Variants in NXPE2 observed in about 807,000 individuals in gnomAD.
NXPE2 encodes neurexophilin and PC-esterase domain family member 2, also known as NXPE family member 2.
Under a neutral mutation model 34.4 loss-of-function variants are expected in NXPE2, and 34 were observed. The ratio of observed to expected loss-of-function variants is 0.99; its 90% CI spans 0.75 to 1.31. NXPE2 has a LOEUF of 1.31. Ranked by LOEUF, NXPE2 falls within the 40% of genes most tolerant of loss-of-function variation. The probability of loss-of-function intolerance (pLI) is 0.00; values close to 1 mark genes in which losing one functional copy is unlikely to be tolerated. For synonymous variants in NXPE2, 235 were observed against 231.3 expected, an observed-to-expected ratio of 1.02 and a Z score of -0.15; for missense variants, 649 against 672.5, an observed-to-expected ratio of 0.97 and a Z score of 0.39.
the NXPE2 span, among the ~76,000 whole-genome samples, chr11:114,773,620 G>C: frequency 3.3e-5 from 5 of 152,200 alleles, no homozygotes; most frequent in African/African-American, 1.2e-4. Context: ...AGGACACAGG[G>C]TACCCAGACA....
At chr11:114,664,960 G>A in the NXPE2 span, among the ~76,000 whole-genome samples, 4 of 152,168 alleles carry the variant, frequency 2.6e-5, no homozygotes, top group Admixed American at 1.3e-4. Context: ...ATGATGTTTG[G>A]TAGGTTAGAT....
intron 1 of NXPE2, among the ~76,000 whole-genome samples, 157 bp from the exon 2 acceptor site, chr11:114,679,498 CTT>C (rs1555075841): frequency 6.6e-6 from 1 of 151,942 alleles, no homozygotes; most frequent in African/African-American, 2.4e-5. Context: ...CAGGGAAACA[CTT>C]TGTTTCTGAT....
chr11:114,813,545 A>C, the NXPE2 span, among the ~76,000 whole-genome samples: 5 of 152,208 alleles, frequency 3.3e-5, no homozygotes, highest in East Asian at 7.7e-4. Context: ...ATTTATGTGC[A>C]TGCATGCATG....
the NXPE2 span, among the ~76,000 whole-genome samples, chr11:114,791,680 A>G: frequency 2.0e-5 from 3 of 152,258 alleles, no homozygotes. Context: ...AGATGGGAAC[A>G]GCAGATGAGT....
the NXPE2 span, among the ~76,000 whole-genome samples, chr11:114,667,708 A>G: frequency 6.6e-6 from 1 of 152,076 alleles, no homozygotes; most frequent in East Asian, 1.9e-4. Context: ...ACAGACAGCA[A>G]AGAACTGAGG....
the NXPE2 span, among the ~76,000 whole-genome samples, chr11:114,787,418 T>C: frequency 6.6e-6 from 1 of 152,106 alleles, no homozygotes; most frequent in African/African-American, 2.4e-5. Flanking sequence ...GGAGATTGCT[T>C]GGTAAGACAA....
At chr11:114,574,932 T>C in the NXPE2 span, among the ~76,000 whole-genome samples, 1 of 151,870 alleles carries the variant, frequency 6.6e-6, no homozygotes, top group Non-Finnish European at 1.5e-5. Flanking sequence ...ACATAGATGC[T>C]AAAATCCTCA....
chr11:114,661,157 A>G, the NXPE2 span, among the ~76,000 whole-genome samples: 6 of 152,178 alleles, frequency 3.9e-5, no homozygotes, highest in Non-Finnish European at 7.4e-5. Flanking sequence ...GTTCAATATG[A>G]TTAGGATATT....
chr11:114,784,493 C>G, the NXPE2 span, among the ~76,000 whole-genome samples: 1 of 152,172 alleles, frequency 6.6e-6, no homozygotes, highest in Non-Finnish European at 1.5e-5. Context: ...ATCCAGGGAG[C>G]AATCTTTATA....
the NXPE2 span, among the ~76,000 whole-genome samples, chr11:114,713,649 C>T: frequency 2.0e-5 from 3 of 152,260 alleles, no homozygotes; most frequent in Admixed American, 6.5e-5. Flanking sequence ...GTTCAAGGGT[C>T]GACTGTTGTC....
chr11:114,504,996 A>G, the NXPE2 span, among the ~76,000 whole-genome samples: 16 of 152,318 alleles, frequency 1.1e-4, no homozygotes, highest in African/African-American at 3.6e-4. Flanking sequence ...ATGATAAAGC[A>G]TTGCAGGAAC....
chr11:114,600,986 T>A, the NXPE2 span, among the ~76,000 whole-genome samples: 1 of 151,994 alleles, frequency 6.6e-6, no homozygotes, highest in Admixed American at 6.6e-5. Context: ...TGCCAAATAG[T>A]CCATCATTTC....
At chr11:114,539,130 T>G in the NXPE2 span, among the ~76,000 whole-genome samples, 32 of 152,266 alleles carry the variant, frequency 2.1e-4, no homozygotes, top group South Asian at 2.1e-4. Context: ...CCTGTCCTTT[T>G]TAGGGACATG....
the NXPE2 span, among the ~76,000 whole-genome samples, chr11:114,790,540 A>G: frequency 2.0e-5 from 3 of 152,222 alleles, no homozygotes; most frequent in Non-Finnish European, 4.4e-5. Context: ...CACAAAACCC[A>G]GATTTTCGCT....
the NXPE2 span, among the ~76,000 whole-genome samples, chr11:114,751,047 G>A: frequency 6.6e-6 from 1 of 152,152 alleles, no homozygotes; most frequent in Non-Finnish European, 1.5e-5. Flanking sequence ...GGCTGTCAAA[G>A]GTCCTGCCAT....
At chr11:114,703,616 T>C (rs1313651305) in intron 3 of NXPE2, among the ~76,000 whole-genome samples, 1 of 152,082 alleles carries the variant, frequency 6.6e-6, no homozygotes, top group East Asian at 1.9e-4. Flanking sequence ...GGGTAGTTTG[T>C]GGTAGAGAGC....
chr11:114,709,278 TA>T (rs1267453997), downstream of NXPE2, among the ~76,000 whole-genome samples: 2 of 152,366 alleles, frequency 1.3e-5, no homozygotes, highest in East Asian at 3.9e-4. Flanking sequence ...TTTGTCATTG[TA>T]ATTGGTTGCA....
chr11:114,605,564 A>C, the NXPE2 span, among the ~76,000 whole-genome samples: 1 of 151,468 alleles, frequency 6.6e-6, no homozygotes, highest in African/African-American at 2.4e-5. Flanking sequence ...AACCACTGTT[A>C]CCCGGTGGAT....
chr11:114,615,790 C>A, the NXPE2 span, among the ~76,000 whole-genome samples: 1 of 151,304 alleles, frequency 6.6e-6, no homozygotes, highest in African/African-American at 2.4e-5. Context: ...CACTGTTACC[C>A]AATGGATAAT....
Sources: allele counts gnomAD v4.1 joint callset (sites outside exome capture counted in the v4.1 genomes callset), GRCh38; gene constraint gnomAD v4.1.1; transcripts MANE v1.5; gene names NCBI Gene and HGNC (gene_info 2026-07-23, HGNC 2026-07-21).